RIMS2: variants seen among roughly 807,000 people sequenced by gnomAD.
The protein encoded by RIMS2 is regulating synaptic membrane exocytosis protein 2.
A neutral mutation model predicts 174.4 loss-of-function variants in RIMS2; 59 were observed. The ratio of observed to expected loss-of-function variants is 0.34; its 90% CI spans 0.27 to 0.42. The LOEUF (loss-of-function observed/expected upper bound fraction) is 0.42, where lower values mean the gene tolerates loss of function less well. Ranked by LOEUF, RIMS2 falls within the 10% of genes least tolerant of loss-of-function variation. The probability of loss-of-function intolerance (pLI) is 1.00; values close to 1 mark genes in which losing one functional copy is unlikely to be tolerated. For synonymous variants in RIMS2, 606 were observed against 572.5 expected (o/e 1.06, Z -0.84); for missense variants, 1,620 against 1,666.3 (o/e 0.97, Z 0.48).
intron 1 of RIMS2, among the ~76,000 whole-genome samples, chr8:103,658,802 G>T (rs777656472): frequency 6.6e-6 from 1 of 151,950 alleles, no homozygotes; most frequent in South Asian, 2.1e-4. Context: ...AGGTCATAGA[G>T]AGTTGCTTAG....
intron 19 of RIMS2, among the ~76,000 whole-genome samples, chr8:104,089,233 A>G (rs1258962493): frequency 1.3e-5 from 2 of 151,936 alleles, no homozygotes; most frequent in Non-Finnish European, 2.9e-5. Context: ...AACATTATGT[A>G]TTGTATAGTG....
intron 1 of RIMS2, among the ~76,000 whole-genome samples, chr8:103,597,315 T>G (rs1393557855): frequency 1.3e-5 from 2 of 152,190 alleles, no homozygotes; most frequent in East Asian, 3.8e-4. Flanking sequence ...TCTGCTCTCA[T>G]GCATAAGACA....
intron 3 of RIMS2, among the ~76,000 whole-genome samples, chr8:103,811,328 C>T (rs2098686453): frequency 6.6e-6 from 1 of 152,120 alleles, no homozygotes; most frequent in Non-Finnish European, 1.5e-5. Context: ...CTTCAGGTGT[C>T]ACTCTGGACA....
intron 15 of RIMS2, among the ~76,000 whole-genome samples, chr8:103,964,418 G>T (rs1187220999): frequency 6.6e-6 from 1 of 152,038 alleles, no homozygotes; most frequent in Non-Finnish European, 1.5e-5. Context: ...GACATATGAG[G>T]TTGAACATCT....
chr8:103,889,894 G>C (rs1332141032), intron 4 of RIMS2, among the ~76,000 whole-genome samples: 1 of 151,904 alleles, frequency 6.6e-6, no homozygotes, highest in South Asian at 2.1e-4. Flanking sequence ...TTCATGGGAA[G>C]AGTATCAGTT....
chr8:104,255,063 T>C (rs767476591), downstream of RIMS2: 6 of 152,176 alleles, frequency 3.9e-5, no homozygotes, highest in Non-Finnish European at 7.4e-5. Context: ...ATTTAAGAGC[T>C]AGTTTGGATT....
At chr8:103,604,502 G>A (rs1303591157) in intron 1 of RIMS2, among the ~76,000 whole-genome samples, 2 of 152,024 alleles carry the variant, frequency 1.3e-5, no homozygotes, top group Non-Finnish European at 1.5e-5. Context: ...GGTTCCATAT[G>A]AACTTTAAAG....
chr8:103,642,513 C>T (rs1179872851), intron 1 of RIMS2, among the ~76,000 whole-genome samples: 3 of 151,956 alleles, frequency 2.0e-5, no homozygotes, highest in Non-Finnish European at 2.9e-5. Flanking sequence ...TAATGCTATT[C>T]CTTTTATTAA....
chr8:103,825,678 T>C (rs1234983062), intron 3 of RIMS2, among the ~76,000 whole-genome samples: 3 of 152,142 alleles, frequency 2.0e-5, no homozygotes, highest in Non-Finnish European at 2.9e-5. Context: ...TTTATGAATA[T>C]GAATATACCA....
At chr8:103,979,723 T>G (rs2093732680) in intron 16 of RIMS2, among the ~76,000 whole-genome samples, 1 of 152,236 alleles carries the variant, frequency 6.6e-6, no homozygotes, top group African/African-American at 2.4e-5. Context: ...AATGCCATCC[T>G]TCTCCTAACC....
intron 3 of RIMS2, among the ~76,000 whole-genome samples, chr8:103,878,475 T>C (rs78563751): frequency 0.058 from 8,768 of 151,906 alleles, 327 homozygotes; most frequent in Middle Eastern, 0.099. Context: ...GGTTTGCTAG[T>C]ATTTGTTGAG....
chr8:104,081,197 A>G (rs185240350), intron 19 of RIMS2, among the ~76,000 whole-genome samples: 3 of 152,122 alleles, frequency 2.0e-5, no homozygotes, highest in East Asian at 3.9e-4. Context: ...AACAAGGCCA[A>G]CAGTCTCCAG....
At chr8:103,930,357 T>G (rs1315916902) in intron 11 of RIMS2, among the ~76,000 whole-genome samples, 1 of 152,090 alleles carries the variant, frequency 6.6e-6, no homozygotes, top group Admixed American at 6.6e-5. Flanking sequence ...GGTTTTTAAC[T>G]GTTATTCTCA....
intron 3 of RIMS2, among the ~76,000 whole-genome samples, chr8:103,772,192 A>G (rs1490770850): frequency 2.0e-5 from 3 of 152,014 alleles, no homozygotes; most frequent in Admixed American, 6.5e-5. Context: ...ACAATAAAAT[A>G]AAAGCCATCT....
At chr8:104,063,848 A>G (rs974534577) in intron 19 of RIMS2, among the ~76,000 whole-genome samples, 1 of 152,286 alleles carries the variant, frequency 6.6e-6, no homozygotes, top group African/African-American at 2.4e-5. Context: ...AAATTGCTCT[A>G]GGACTCCAGG....
At chr8:104,212,604 TCACA>T (rs143539138) in intron 19 of RIMS2, among the ~76,000 whole-genome samples, 1 of 151,612 alleles carries the variant, frequency 6.6e-6, no homozygotes, top group African/African-American at 2.4e-5. Context: ...TTCCTGAGTC[TCACA>T]CACACACACA....
intron 4 of RIMS2, among the ~76,000 whole-genome samples, chr8:103,901,704 G>A (rs72681362): frequency 0.13 from 20,214 of 152,016 alleles, 1,831 homozygotes; most frequent in Non-Finnish European, 0.2. Context: ...TGTTTTTAAA[G>A]AAGAATATGT....
At chr8:103,667,216 C>T (rs1276886101) in intron 1 of RIMS2, among the ~76,000 whole-genome samples, 2 of 152,200 alleles carry the variant, frequency 1.3e-5, no homozygotes, top group African/African-American at 4.8e-5. Flanking sequence ...TCATGTGCAA[C>T]AAGAAGTGTC....
At chr8:104,053,140 A>G (rs916701546) in intron 19 of RIMS2, among the ~76,000 whole-genome samples, 5 of 152,158 alleles carry the variant, frequency 3.3e-5, no homozygotes, top group African/African-American at 1.2e-4. Flanking sequence ...TACAGCAATC[A>G]ATGATTAGGT....
Sources: allele counts gnomAD v4.1 joint callset (sites outside exome capture counted in the v4.1 genomes callset), GRCh38; gene constraint gnomAD v4.1.1; transcripts MANE v1.5; gene names NCBI Gene and HGNC (gene_info 2026-07-23, HGNC 2026-07-21).